DZIP1: variants seen among roughly 807,000 people sequenced by gnomAD.
DZIP1 encodes the protein cilium assembly protein DZIP1.
In DZIP1, 97 loss-of-function variants were observed where a neutral mutation model predicts 107.6. The ratio of observed to expected loss-of-function variants is 0.90; its 90% CI spans 0.77 to 1.07. The LOEUF is 1.07. Ranked by LOEUF, DZIP1 falls within the 50% of genes least tolerant of loss-of-function variation. DZIP1 has a pLI of 0.00. For synonymous variants in DZIP1, 390 were observed against 386.4 expected, an observed-to-expected ratio of 1.01 and a Z score of -0.11; for missense variants, 1,035 against 1,063.6, an observed-to-expected ratio of 0.97 and a Z score of 0.37.
chr13:95,594,585 G>C (rs929731537), intron 15 of DZIP1, among the ~76,000 whole-genome samples: 1 of 151,992 alleles, frequency 6.6e-6, no homozygotes, highest in African/African-American at 2.4e-5. Context: ...GGATCACTTG[G>C]ACCCAGGAGT....
chr13:95,609,483 G>A lies in DZIP1; in HGVS notation c.1394C>T (p.Ser465Phe), dbSNP rs917901414. 1.1e-5 allele frequency: 17 copies of A among 1,585,134 alleles called. No homozygotes were observed. The highest frequency in any genetic ancestry group is 5.4e-5 in the Admixed American group (3 of 55,336). Residue 465 changes from serine (S) to phenylalanine (F), a missense_variant, in exon 13 of 23, where the codon TCT (serine) becomes TTT (phenylalanine). Physicochemically the swap from Ser to Phe is radical, Grantham distance 155. Transcript: ENST00000376829. ...GNPLAWQAFESQPAAPAVPMN... is the reference protein window; with the variant it reads ...GNPLAWQAFEFQPAAPAVPMN... Reference sequence around the variant, plus strand: ...AGGCACAGCTGGAGCAGCTGGCTGAGATTCAAAAGCCTGCCAGGCTAAAGG... The same window carrying A: ...AGGCACAGCTGGAGCAGCTGGCTGAAATTCAAAAGCCTGCCAGGCTAAAGG...
chr13:95,589,751 C>A lies in DZIP1; in HGVS notation c.1973+52G>T. 2.5e-6 allele frequency: 4 copies of A among 1,575,488 alleles called. No individual in the cohort carries two copies. The South Asian group carries it at 3.6e-5, about 14-fold the overall frequency. On this transcript the variant is annotated intron_variant, in intron 18 of 22. Coordinates refer to ENST00000376829, the MANE Select transcript of DZIP1 (RefSeq NM_198968.4). ...AGTCTATGGTATTTTGTTAAAGCAG[C>A]CTGAGCTAAGACAAACACTGATAAA...
At chr13:95,636,314 G>C (rs1235725336) in intron 5 of DZIP1, among the ~76,000 whole-genome samples, 2 of 152,068 alleles carry the variant, frequency 1.3e-5, no homozygotes, top group Non-Finnish European at 2.9e-5. Flanking sequence ...AGGCCAAGGT[G>C]GGTGGATCAC....
intron 10 of DZIP1, 130 bp from the exon 11 acceptor site, chr13:95,612,307 A>C: frequency 9.5e-7 from 1 of 1,050,396 alleles, no homozygotes; most frequent in Non-Finnish European, 1.3e-6. Context: ...AAGTCGTTGA[A>C]TAAATCTTTG....
Position 95,597,316 on chromosome 13 carries a change from C to T in DZIP1, c.1537+2049G>A, listed in dbSNP as rs553252704. Among the ~76,000 whole-genome samples, 13 of 152,072 alleles carry T rather than the reference C, an allele frequency of 8.5e-5. No homozygotes were observed. The South Asian group carries it at 2.3e-3, about 27-fold the overall frequency. On this transcript the variant is annotated intron_variant, in intron 15 of 22. Coordinates refer to ENST00000376829, the MANE Select transcript of DZIP1 (RefSeq NM_198968.4). ...GAAGTTCTATTTTGAAAGTACGCGA[C>T]GTTTTCTATGAACCTCCTGACATGT... is the stretch of plus-strand genomic sequence containing the variant.
chr13:95,632,638 C>T (rs1877324738), intron 6 of DZIP1, among the ~76,000 whole-genome samples: 1 of 152,188 alleles, frequency 6.6e-6, no homozygotes, highest in Admixed American at 6.5e-5. Flanking sequence ...TACCTAAAAT[C>T]CTCCAGTGGC....
chr13:95,588,052 C>A, intron 19 of DZIP1: 1 of 202,226 alleles, frequency 4.9e-6, no homozygotes, highest in Non-Finnish European at 9.9e-6. Context: ...AACATTTCCT[C>A]AGTAAAACCA....
chr13:95,608,126 G>T (rs937011136), intron 13 of DZIP1, among the ~76,000 whole-genome samples: 2 of 152,112 alleles, frequency 1.3e-5, no homozygotes, highest in African/African-American at 4.8e-5. Context: ...GGCCTCACTC[G>T]GAAGGGACCG....
intron 6 of DZIP1, among the ~76,000 whole-genome samples, chr13:95,630,402 G>C (rs765069100): frequency 1.3e-5 from 2 of 152,068 alleles, no homozygotes; most frequent in Non-Finnish European, 2.9e-5. Flanking sequence ...ATGGTAACAA[G>C]GAATAATACA....
At chr13:95,607,682 A>G (rs910144343) in intron 13 of DZIP1, among the ~76,000 whole-genome samples, 1 of 152,244 alleles carries the variant, frequency 6.6e-6, no homozygotes, top group Non-Finnish European at 1.5e-5. Context: ...CAAGAAAAAA[A>G]AAAATACAGA....
Position 95,633,242 on chromosome 13 carries a change from G to C in DZIP1, c.677C>G (p.Ser226Cys), listed in dbSNP as rs544313197. The change falls in exon 6 of 23, where the codon TCT becomes TGT. Residue 226 changes from serine (S) to cysteine (C), a missense_variant. Transcript: ENST00000376829. ...CAGAACTCATTACTCACCAAAATGA[G>C]AATTTTCTTCAGTGTGGCGGCGTTG... The part of the protein sequence containing the change: ...HIQRRHTEEN[S>C]HFEYQKNAQI... The C allele has an allele frequency of 1.1e-4, 177 of 1,614,040 alleles. 1 individual carries two copies. The South Asian group carries it at 1.8e-3, about 17-fold the overall frequency.
At chr13:95,593,845 G>T in intron 16 of DZIP1, 99 bp downstream of exon 16, 1 of 1,408,068 alleles carries the variant, frequency 7.1e-7, no homozygotes, top group East Asian at 2.4e-5. Context: ...TCCAAACATG[G>T]ACAGAATTGA....
rs1484174936 is a variant in DZIP1, at chr13:95,582,044, T to C, written c.*190A>G. 3.7e-6 allele frequency: 2 copies of C among 543,620 alleles called. No individual in the cohort carries two copies. Among genetic ancestry groups the C allele is most frequent in the Non-Finnish European group, 3.3e-6 (1 of 307,288 alleles). 33.7% of individuals were successfully genotyped at this position (543,620 alleles called of 1,614,324 possible). A position where few individuals can be genotyped will look rare whatever the true frequency, so the allele number is the denominator to read the frequency against. The stretch of plus-strand genomic sequence containing the variant: ...TTAAACACCTTTACATGCTTCGAAA[T>C]ACTGTTGATGATCTGATTTTCAATA... On this transcript the variant is annotated 3_prime_UTR_variant, in exon 23 of 23. Coordinates refer to ENST00000376829, the MANE Select transcript of DZIP1 (RefSeq NM_198968.4).
At chr13:95,633,175 T>A in intron 6 of DZIP1, 59 bp downstream of exon 6, 1 of 1,492,888 alleles carries the variant, frequency 6.7e-7, no homozygotes, top group Non-Finnish European at 9.3e-7. Context: ...CCAAGTCTCA[T>A]TGCCAAAAGA....
At chr13:95,618,450 A>T (rs1030077285) in intron 10 of DZIP1, among the ~76,000 whole-genome samples, 16 of 152,244 alleles carry the variant, frequency 1.1e-4, no homozygotes, top group African/African-American at 3.4e-4. Flanking sequence ...ATGATATTTT[A>T]AATGGAATAG....
Position 95,582,184 on chromosome 13 carries a change from G to C in DZIP1, c.*50C>G. ...CATGGAGGCAAATTACTGAAACACT[G>C]TGATACTGAAATACTGCTGGCTTCT... On this transcript the variant is annotated 3_prime_UTR_variant, in exon 23 of 23. Coordinates refer to ENST00000376829, the MANE Select transcript of DZIP1 (RefSeq NM_198968.4). The C allele has an allele frequency of 1.3e-6, 2 of 1,566,536 alleles. No individual in the cohort carries two copies. The highest frequency in any genetic ancestry group is 1.8e-6 in the Non-Finnish European group (2 of 1,137,084).
At chr13:95,627,547 T>C (rs1876689830) in intron 7 of DZIP1, among the ~76,000 whole-genome samples, 1 of 152,216 alleles carries the variant, frequency 6.6e-6, no homozygotes, top group Non-Finnish European at 1.5e-5. Flanking sequence ...TTCAATATCA[T>C]TGGTTGTTAA....
intron 8 of DZIP1, among the ~76,000 whole-genome samples, chr13:95,623,701 G>A (rs1594718157): frequency 1.3e-5 from 2 of 152,154 alleles, no homozygotes; most frequent in East Asian, 3.9e-4. Flanking sequence ...AGCACTTTGG[G>A]AGGCCCAAGT....
chr13:95,621,637 G>A (rs972705252), intron 9 of DZIP1, among the ~76,000 whole-genome samples: 1 of 149,664 alleles, frequency 6.7e-6, no homozygotes, highest in African/African-American at 2.5e-5. Flanking sequence ...TTTGATAAAT[G>A]TAACAGATCA....
Sources: gnomAD v4.1 joint callset for allele counts (sites outside exome capture counted in the v4.1 genomes callset) on GRCh38, gnomAD v4.1.1 for gene constraint, MANE v1.5 for transcripts, NCBI Gene and HGNC (gene_info 2026-07-23, HGNC 2026-07-21) for gene names.